Variants in CENPP observed in about 807,000 individuals in gnomAD.
The protein encoded by CENPP is centromere protein P.
In CENPP, 24 loss-of-function variants were observed where a neutral mutation model predicts 35.6. The observed-to-expected ratio is 0.67, with a 90% CI of 0.49 to 0.95. The LOEUF is 0.95. Ranked by LOEUF, CENPP falls within the 40% of genes least tolerant of loss-of-function variation. CENPP has a pLI of 0.00. For missense variants in CENPP, 332 were observed against 345.3 expected, an observed-to-expected ratio of 0.96 and a Z score of 0.31; for synonymous variants, 120 against 125.5, an observed-to-expected ratio of 0.96 and a Z score of 0.29.
intron 5 of CENPP, chr9:92,384,833 G>A (rs562680100): frequency 3.3e-5 from 5 of 152,234 alleles, no homozygotes; most frequent in African/African-American, 1.2e-4. Context: ...TTGCCATAGA[G>A]AACTTTATCA....
chr9:92,514,821 G>GTCCTCCTCA lies in CENPP; in HGVS notation c.565-96483_565-96475dup, dbSNP rs745507937. ...TATCTCCTCTTACCGGGTCCTCCTC[G>GTCCTCCTCA]TCCTCCTCATCCTCCTCACCCTCCT... On this transcript the variant is annotated intron_variant, in intron 5 of 7. Coordinates refer to ENST00000375587, the MANE Select transcript of CENPP (RefSeq NM_001012267.3). The GTCCTCCTCA allele has an allele frequency of 4.8e-5, 78 of 1,612,572 alleles. No homozygotes were observed. In the South Asian group the frequency reaches 6.5e-4, roughly 13 times the overall value.
At chr9:92,360,528 T>A (rs957022292) in intron 4 of CENPP, among the ~76,000 whole-genome samples, 2 of 152,086 alleles carry the variant, frequency 1.3e-5, no homozygotes, top group Non-Finnish European at 2.9e-5. Flanking sequence ...GATTATGCTA[T>A]TGCACTTTAG....
At chr9:92,586,224 T>C (rs1850537566) in intron 5 of CENPP, among the ~76,000 whole-genome samples, 1 of 152,182 alleles carries the variant, frequency 6.6e-6, no homozygotes, top group African/African-American at 2.4e-5. Flanking sequence ...TTTGTACTTT[T>C]AGTAGAGACA....
chr9:92,364,843 C>T (rs1841847145), intron 4 of CENPP, among the ~76,000 whole-genome samples: 1 of 152,148 alleles, frequency 6.6e-6, no homozygotes, highest in Admixed American at 6.5e-5. Context: ...CATACAATGT[C>T]TACTCTAGGG....
At chr9:92,453,004 G>A (rs1030744561) in intron 5 of CENPP, among the ~76,000 whole-genome samples, 28 of 152,044 alleles carry the variant, frequency 1.8e-4, no homozygotes, top group African/African-American at 6.8e-4. Context: ...TTCTTTATTA[G>A]TCTTGCTAGG....
At chr9:92,502,741 TATC>T in intron 5 of CENPP, 2 of 1,111,902 alleles carry the variant, frequency 1.8e-6, no homozygotes, top group Non-Finnish European at 2.5e-6. Context: ...CATAGACTAT[TATC>T]ATTAGTATTA....
chr9:92,399,944 A>G (rs1264580040), intron 5 of CENPP, among the ~76,000 whole-genome samples: 2 of 152,138 alleles, frequency 1.3e-5, no homozygotes, highest in South Asian at 2.1e-4. Context: ...TGATTCCTAC[A>G]TATACTTGTT....
At chr9:92,355,807 T>A (rs1485681781) in intron 4 of CENPP, among the ~76,000 whole-genome samples, 1 of 152,202 alleles carries the variant, frequency 6.6e-6, no homozygotes, top group South Asian at 2.1e-4. Flanking sequence ...TGTGGAACAT[T>A]GCATTTCTCA....
In CENPP at chr9:92,332,328, C is replaced by G. The variant is rs199687717; in HGVS notation, c.266C>G (p.Thr89Arg). Residue 89 changes from threonine (T) to arginine (R), a missense_variant, in exon 2 of 8, where the codon ACA becomes AGA. Thr to Arg is a moderately conservative substitution (Grantham distance 71). Coordinates refer to ENST00000375587, the MANE Select transcript of CENPP (RefSeq NM_001012267.3). The part of the protein sequence containing the change: ...RNHSKQTEDL[T>R]STEMTEKSIR... Reference sequence around the variant, plus strand: ...CACTCCAAGCAGACAGAAGACCTAACAAGCACTGAGATGACAGAAAAGAGT... The same window carrying G: ...CACTCCAAGCAGACAGAAGACCTAAGAAGCACTGAGATGACAGAAAAGAGT... 24 of 1,599,666 alleles carry G rather than the reference C, an allele frequency of 1.5e-5. No individual in the cohort carries two copies. The highest frequency in any genetic ancestry group is 2.0e-5 in the Non-Finnish European group (24 of 1,174,184).
intron 4 of CENPP, among the ~76,000 whole-genome samples, chr9:92,368,198 T>C (rs896646995): frequency 2.0e-5 from 3 of 152,232 alleles, no homozygotes; most frequent in Non-Finnish European, 4.4e-5. Flanking sequence ...GCTGAGATAG[T>C]GACATCTTTG....
At chr9:92,572,051 G>A (rs1850157750) in intron 5 of CENPP, among the ~76,000 whole-genome samples, 1 of 151,918 alleles carries the variant, frequency 6.6e-6, no homozygotes, top group South Asian at 2.1e-4. Context: ...CAATTTGCCA[G>A]TCTGTGCCTT....
At chr9:92,604,923 A>T (rs1440198397) in intron 5 of CENPP, among the ~76,000 whole-genome samples, 4 of 152,028 alleles carry the variant, frequency 2.6e-5, no homozygotes, top group Non-Finnish European at 5.9e-5. Flanking sequence ...TCTTTGGCTA[A>T]CCCAGAATTA....
At chr9:92,573,814 C>T (rs907103779) in intron 5 of CENPP, among the ~76,000 whole-genome samples, 1 of 152,246 alleles carries the variant, frequency 6.6e-6, no homozygotes, top group Non-Finnish European at 1.5e-5. Context: ...GCCTGTCCCC[C>T]AGCCTCGCGG....
intron 3 of CENPP, chr9:92,340,579 G>T (rs997071191): frequency 4.6e-5 from 7 of 152,970 alleles, no homozygotes; most frequent in African/African-American, 1.7e-4. Context: ...AACATGGATT[G>T]TGAAGATTTC....
intron 5 of CENPP, among the ~76,000 whole-genome samples, chr9:92,504,700 A>ATT (rs942622344): frequency 6.6e-6 from 1 of 150,864 alleles, no homozygotes; most frequent in Non-Finnish European, 1.5e-5. Context: ...ATGACTGGCT[A>ATT]TTTTTTTTTA....
Position 92,522,668 on chromosome 9 carries a change from G to A in CENPP, c.565-88646G>A, listed in dbSNP as rs1337789381. 5 of 1,613,998 alleles carry A rather than the reference G, an allele frequency of 3.1e-6. No homozygotes were observed. The highest frequency in any genetic ancestry group is 3.3e-5 in the Admixed American group (2 of 59,992). On this transcript the variant is annotated intron_variant, in intron 5 of 7. Transcript: ENST00000375587. ...CTATAATCAAAGTTAACAATAGGAAGTCTTGCTACTGGTGTAAAAACTGTT... is the reference window on the plus strand; with the variant it reads ...CTATAATCAAAGTTAACAATAGGAAATCTTGCTACTGGTGTAAAAACTGTT...
intron 5 of CENPP, among the ~76,000 whole-genome samples, chr9:92,529,102 T>G (rs766615346): frequency 6.6e-6 from 1 of 152,178 alleles, no homozygotes; most frequent in African/African-American, 2.4e-5. Context: ...AAGGGATGAA[T>G]AGCAGATTAG....
At chr9:92,611,258 A>G (rs761967884) in intron 5 of CENPP, 56 bp from the exon 6 acceptor site, 1 of 1,433,742 alleles carries the variant, frequency 7.0e-7, no homozygotes, top group South Asian at 1.2e-5. Flanking sequence ...TGCCCCTCCC[A>G]TGGCCCCTTT....
chr9:92,497,650 A>G (rs1454015707), intron 5 of CENPP, among the ~76,000 whole-genome samples: 2 of 151,686 alleles, frequency 1.3e-5, no homozygotes, highest in East Asian at 3.9e-4. Context: ...AAGAAAGAAA[A>G]AAGAAAAAAA....
Sources: gnomAD v4.1 joint callset for allele counts (sites outside exome capture counted in the v4.1 genomes callset) on GRCh38, gnomAD v4.1.1 for gene constraint, MANE v1.5 for transcripts, NCBI Gene and HGNC (gene_info 2026-07-23, HGNC 2026-07-21) for gene names.